CNTNAP4: variants seen among roughly 807,000 people sequenced by gnomAD.
The protein encoded by CNTNAP4 is contactin-associated protein-like 4.
CNTNAP4 carries 98 observed loss-of-function variants against 148.4 expected under a neutral mutation model. The observed-to-expected ratio is 0.66, with a 90% CI of 0.56 to 0.78. The LOEUF is 0.78. Among genes scored for constraint, CNTNAP4 ranks in the 30% least tolerant of loss-of-function variants. The probability of loss-of-function intolerance (pLI) is 0.00; values close to 1 mark genes in which losing one functional copy is unlikely to be tolerated. For synonymous variants in CNTNAP4, 730 were observed against 565.1 expected (o/e 1.29, Z -4.14); for missense variants, 1,935 against 1,565.6 (o/e 1.24, Z -3.98).
chr16:76,421,253 A>G (rs2079177370), intron 3 of CNTNAP4, among the ~76,000 whole-genome samples: 1 of 152,082 alleles, frequency 6.6e-6, no homozygotes, highest in Non-Finnish European at 1.5e-5. Context: ...AAATATTTTA[A>G]TAATATTCAG....
chr16:76,414,698 A>G (rs543836834), intron 3 of CNTNAP4, among the ~76,000 whole-genome samples: 3 of 151,518 alleles, frequency 2.0e-5, no homozygotes, highest in African/African-American at 7.2e-5. Context: ...CATGTAATCT[A>G]ACAGATGTGG....
chr16:76,325,884 G>GAA (rs939526351), intron 2 of CNTNAP4, among the ~76,000 whole-genome samples: 2 of 151,660 alleles, frequency 1.3e-5, no homozygotes, highest in African/African-American at 4.8e-5. Context: ...TAAATGAATT[G>GAA]AAAAAATGTT....
chr16:76,384,612 C>T (rs2016329446), intron 3 of CNTNAP4, among the ~76,000 whole-genome samples: 2 of 152,096 alleles, frequency 1.3e-5, no homozygotes, highest in African/African-American at 4.8e-5. Context: ...GATTAATCTC[C>T]TTGGTACCTA....
In CNTNAP4 at chr16:76,535,698, G is replaced by A. The variant is rs755378449; in HGVS notation, c.2909G>A (p.Arg970His). Residue 970 changes from arginine (R) to histidine (H), a missense_variant, in exon 18 of 24, where the codon CGC becomes CAC. Transcript: ENST00000611870. ...TGCAGCAGCTATGGGAAGTTATGCCGCAATGGAGGGAAATGCAGAGAAAGA... is the reference window on the plus strand; with the variant it reads ...TGCAGCAGCTATGGGAAGTTATGCCACAATGGAGGGAAATGCAGAGAAAGA... ...GHCSSYGKLC[R>H]NGGKCRERPI... 3.0e-5 allele frequency: 49 copies of A among 1,613,836 alleles called. No individual in the cohort carries two copies. The highest frequency in any genetic ancestry group is 2.9e-4 in the South Asian group (26 of 91,088).
At chr16:76,547,964 T>G (rs2084805361) in intron 21 of CNTNAP4, among the ~76,000 whole-genome samples, 1 of 152,200 alleles carries the variant, frequency 6.6e-6, no homozygotes, top group Non-Finnish European at 1.5e-5. Flanking sequence ...AAGTACACTG[T>G]GATTTTTGCA....
At chr16:76,375,865 C>G (rs1210589266) in intron 3 of CNTNAP4, among the ~76,000 whole-genome samples, 2 of 152,150 alleles carry the variant, frequency 1.3e-5, no homozygotes, top group Non-Finnish European at 2.9e-5. Flanking sequence ...AGATGGAAGG[C>G]GATGAATAGC....
intron 3 of CNTNAP4, among the ~76,000 whole-genome samples, chr16:76,414,152 C>G (rs1221939768): frequency 6.6e-6 from 1 of 151,308 alleles, no homozygotes; most frequent in Non-Finnish European, 1.5e-5. Flanking sequence ...CAGCTCTCAG[C>G]ATTTCCTATA....
rs114419159 is a variant in CNTNAP4 at position 76,532,356 on chromosome 16, C to T, written c.2756-3189C>T. Among the ~76,000 whole-genome samples, 620 of 152,250 alleles carry T rather than the reference C, an allele frequency of 4.1e-3. 3 individuals are homozygous for T. The highest frequency in any genetic ancestry group is 0.014 in the African/African-American group (592 of 41,548). ...TATTCTAGTATTTCCTCAGATGGAC[C>T]TGTGGACCAATCTTTGAAATTCTCT... On this transcript the variant is annotated intron_variant, in intron 17 of 23. Transcript: ENST00000611870.
chr16:76,278,028 A>G (rs1412961196), intron 1 of CNTNAP4, among the ~76,000 whole-genome samples: 1 of 152,216 alleles, frequency 6.6e-6, no homozygotes. Context: ...CTAGTAAAAC[A>G]TGAAATTAGC....
chr16:76,548,777 C>T lies in CNTNAP4; in HGVS notation c.3443-4506C>T, dbSNP rs1369006455. Among the ~76,000 whole-genome samples the T allele has an allele frequency of 3.3e-5, 5 of 152,158 alleles. No homozygotes were observed. In the East Asian group the frequency reaches 9.7e-4, roughly 29 times the overall value. The stretch of plus-strand genomic sequence containing the variant: ...GACATTTGTCATCAGTCTCTCCCTC[C>T]ACCTACCCTGTTCTAACTCATTACA... On this transcript the variant is annotated intron_variant, in intron 21 of 23. Transcript: ENST00000611870.
chr16:76,430,567 C>G (rs1426788085), intron 4 of CNTNAP4, among the ~76,000 whole-genome samples: 1 of 152,148 alleles, frequency 6.6e-6, no homozygotes, highest in African/African-American at 2.4e-5. Context: ...GGTAGGGTTT[C>G]TTTACTGAAT....
chr16:76,390,038 A>C, intron 3 of CNTNAP4, among the ~76,000 whole-genome samples: 1 of 152,132 alleles, frequency 6.6e-6, no homozygotes, highest in African/African-American at 2.4e-5. Context: ...CCCACTGGGG[A>C]ATTCTAGGAG....
intron 15 of CNTNAP4, among the ~76,000 whole-genome samples, chr16:76,516,401 A>G (rs546746267): frequency 2.0e-5 from 3 of 152,322 alleles, no homozygotes; most frequent in South Asian, 4.1e-4. Flanking sequence ...TGCAATAAAC[A>G]TACATGTGCA....
Position 76,368,438 on chromosome 16 carries a change from A to G in CNTNAP4, c.390+12927A>G, listed in dbSNP as rs1820770. Among the ~76,000 whole-genome samples the G allele has an allele frequency of 9.1e-3, 1,387 of 152,336 alleles. 31 individuals carry two copies. The highest frequency in any genetic ancestry group is 0.032 in the African/African-American group (1,319 of 41,584). The stretch of plus-strand genomic sequence containing the variant: ...TTGGAACCAACCCAAATGCCCATCA[A>G]TCATAGACTGGATAAAGAAAATGTG... On this transcript the variant is annotated intron_variant, in intron 3 of 23. Coordinates refer to ENST00000611870, the MANE Select transcript of CNTNAP4 (RefSeq NM_033401.5).
intron 2 of CNTNAP4, among the ~76,000 whole-genome samples, chr16:76,324,810 C>T (rs543584658): frequency 1.3e-5 from 2 of 152,204 alleles, no homozygotes; most frequent in South Asian, 4.1e-4. Flanking sequence ...TCTCTGTTTC[C>T]TCTTCTTATA....
At chr16:76,319,951 A>G (rs1279610209) in intron 2 of CNTNAP4, among the ~76,000 whole-genome samples, 1 of 152,148 alleles carries the variant, frequency 6.6e-6, no homozygotes, top group African/African-American at 2.4e-5. Context: ...ACAAATACAG[A>G]TTTTGGTACT....
At chr16:76,459,997 C>T (rs2080878175) in intron 8 of CNTNAP4, among the ~76,000 whole-genome samples, 1 of 152,168 alleles carries the variant, frequency 6.6e-6, no homozygotes, top group Non-Finnish European at 1.5e-5. Flanking sequence ...TGACTTTATA[C>T]ATGTCTACAT....
chr16:76,525,595 A>G (rs945571979), intron 17 of CNTNAP4, among the ~76,000 whole-genome samples: 2 of 146,488 alleles, frequency 1.4e-5, no homozygotes, highest in Admixed American at 6.8e-5. Flanking sequence ...AAAATTTTAT[A>G]TAACTATATA....
At chr16:76,343,239 A>T (rs936468228) in intron 2 of CNTNAP4, among the ~76,000 whole-genome samples, 1 of 152,128 alleles carries the variant, frequency 6.6e-6, no homozygotes, top group Non-Finnish European at 1.5e-5. Flanking sequence ...AGGTGGCCTG[A>T]CAATCCGATG....
Sources: gnomAD v4.1 joint callset for allele counts (sites outside exome capture counted in the v4.1 genomes callset) on GRCh38, gnomAD v4.1.1 for gene constraint, MANE v1.5 for transcripts, NCBI Gene and HGNC (gene_info 2026-07-23, HGNC 2026-07-21) for gene names.